Variants in CAMK2D observed in about 807,000 individuals in gnomAD.
CAMK2D encodes calcium/calmodulin dependent protein kinase II delta.
A neutral mutation model predicts 84.0 loss-of-function variants in CAMK2D; 37 were observed. The observed-to-expected ratio is 0.44, with a 90% CI of 0.34 to 0.58. CAMK2D has a LOEUF of 0.58. Ranked by LOEUF, CAMK2D falls within the 20% of genes least tolerant of loss-of-function variation. CAMK2D has a pLI of 0.02. For missense variants in CAMK2D, 448 were observed against 652.5 expected (o/e 0.69, Z 3.41); for synonymous variants, 202 against 212.5 (o/e 0.95, Z 0.43).
At chr4:113,472,826 A>G (rs1424615503) in intron 16 of CAMK2D, among the ~76,000 whole-genome samples, 1 of 152,238 alleles carries the variant, frequency 6.6e-6, no homozygotes, top group African/African-American at 2.4e-5. Context: ...ATCTTAAGTT[A>G]GCAATTCTAT....
chr4:113,573,216 A>C (rs543929405), intron 4 of CAMK2D, among the ~76,000 whole-genome samples: 1 of 152,346 alleles, frequency 6.6e-6, no homozygotes, highest in South Asian at 2.1e-4. Context: ...GAAAAACTCC[A>C]AACAACAAAA....
At chr4:113,752,232 G>T (rs1208589752) in intron 2 of CAMK2D, among the ~76,000 whole-genome samples, 1 of 147,362 alleles carries the variant, frequency 6.8e-6, no homozygotes, top group Non-Finnish European at 1.5e-5. Flanking sequence ...AAATATATAT[G>T]ATATAATTAT....
At chr4:113,526,981 T>A (rs2098423230) in intron 8 of CAMK2D, among the ~76,000 whole-genome samples, 2 of 151,892 alleles carry the variant, frequency 1.3e-5, no homozygotes, top group Non-Finnish European at 2.9e-5. Context: ...TAACCCTGCA[T>A]TGAGAAAGTC....
chr4:113,632,036 C>T (rs549983914), intron 3 of CAMK2D, among the ~76,000 whole-genome samples: 2 of 152,226 alleles, frequency 1.3e-5, no homozygotes, highest in African/African-American at 4.8e-5. Flanking sequence ...ATTTATGATC[C>T]TCCCTCAGGA....
At chr4:113,659,022 G>A (rs759931532) in intron 3 of CAMK2D, among the ~76,000 whole-genome samples, 9 of 152,168 alleles carry the variant, frequency 5.9e-5, no homozygotes, top group Non-Finnish European at 1.0e-4. Flanking sequence ...GGACACAAAA[G>A]TTTAGAACTT....
At chr4:113,516,465 G>T (rs1406956810) in intron 9 of CAMK2D, among the ~76,000 whole-genome samples, 1 of 152,152 alleles carries the variant, frequency 6.6e-6, no homozygotes, top group Non-Finnish European at 1.5e-5. Flanking sequence ...GGCTACGTCT[G>T]CCCAGAGAGG....
chr4:113,641,059 C>A (rs1301678864), intron 3 of CAMK2D, among the ~76,000 whole-genome samples: 1 of 152,214 alleles, frequency 6.6e-6, no homozygotes, highest in Non-Finnish European at 1.5e-5. Context: ...TGAGTATTTT[C>A]ATGTGTAAAT....
intron 5 of CAMK2D, among the ~76,000 whole-genome samples, chr4:113,551,828 T>C (rs2285704): frequency 0.35 from 52,956 of 151,932 alleles, 9,569 homozygotes; most frequent in South Asian, 0.53. Flanking sequence ...TGTTTTTCCT[T>C]GTTGTTTTTG....
At chr4:113,760,954 C>A (rs1302359042) in intron 1 of CAMK2D, 50 bp downstream of exon 1, 1 of 1,612,940 alleles carries the variant, frequency 6.2e-7, no homozygotes, top group East Asian at 2.2e-5. Flanking sequence ...GCAACGCGAC[C>A]CGCCCTCAGC....
At chr4:113,474,444 C>A (rs1482668583) in intron 16 of CAMK2D, among the ~76,000 whole-genome samples, 3 of 133,676 alleles carry the variant, frequency 2.2e-5, no homozygotes, top group African/African-American at 5.4e-5. Flanking sequence ...GGAAAAGAGA[C>A]AATGAGACCA....
At chr4:113,660,927 C>G (rs1401241279) in intron 3 of CAMK2D, among the ~76,000 whole-genome samples, 2 of 151,848 alleles carry the variant, frequency 1.3e-5, no homozygotes, top group Non-Finnish European at 2.9e-5. Context: ...TCCCGAGTAG[C>G]TGGGACTACA....
chr4:113,602,114 C>T (rs1176949519), intron 4 of CAMK2D, among the ~76,000 whole-genome samples: 2 of 151,858 alleles, frequency 1.3e-5, no homozygotes, highest in Admixed American at 6.6e-5. Context: ...TTTCTCCCAA[C>T]ACCTTACTTC....
intron 3 of CAMK2D, among the ~76,000 whole-genome samples, chr4:113,630,416 T>C (rs1440263233): frequency 2.0e-5 from 3 of 152,186 alleles, no homozygotes; most frequent in Non-Finnish European, 4.4e-5. Context: ...CTTAGGATTG[T>C]TGACTGCAAA....
intron 2 of CAMK2D, chr4:113,754,140 T>C (rs1217995114): frequency 2.5e-5 from 22 of 892,336 alleles, no homozygotes; most frequent in Non-Finnish European, 3.0e-5. Context: ...CTCCATTTAA[T>C]GCATTGCAGT....
chr4:113,629,446 A>G (rs2099080679), intron 3 of CAMK2D, among the ~76,000 whole-genome samples: 1 of 152,126 alleles, frequency 6.6e-6, no homozygotes, highest in Non-Finnish European at 1.5e-5. Context: ...TTCAGTAAAT[A>G]TTACATTCCA....
At chr4:113,492,579 G>T (rs2097859200) in intron 16 of CAMK2D, among the ~76,000 whole-genome samples, 1 of 151,862 alleles carries the variant, frequency 6.6e-6, no homozygotes, top group Non-Finnish European at 1.5e-5. Flanking sequence ...GTCAATTTTG[G>T]AATAGGTGTG....
chr4:113,620,958 T>G (rs2099043505), intron 3 of CAMK2D, among the ~76,000 whole-genome samples: 1 of 151,914 alleles, frequency 6.6e-6, no homozygotes, highest in Non-Finnish European at 1.5e-5. Flanking sequence ...GGAGACAGAG[T>G]CTTGCTCTGT....
chr4:113,747,847 GAAGAA>G (rs2099608121), intron 2 of CAMK2D, among the ~76,000 whole-genome samples: 1 of 151,850 alleles, frequency 6.6e-6, no homozygotes. Flanking sequence ...TGATTCGTTG[GAAGAA>G]AAAACTCCCA....
At chr4:113,660,409 G>A (rs1277779928) in intron 3 of CAMK2D, among the ~76,000 whole-genome samples, 3 of 151,718 alleles carry the variant, frequency 2.0e-5, no homozygotes, top group African/African-American at 7.3e-5. Context: ...AAACTTTTTT[G>A]TTTTTGGAGA....
Sources: gnomAD v4.1 joint callset for allele counts (sites outside exome capture counted in the v4.1 genomes callset) on GRCh38, gnomAD v4.1.1 for gene constraint, MANE v1.5 for transcripts, NCBI Gene and HGNC (gene_info 2026-07-23, HGNC 2026-07-21) for gene names.